The following GRB10 variants were observed in gnomAD, a reference collection of about 807,000 sequenced individuals.
GRB10 encodes the protein growth factor receptor-bound protein 10.
GRB10 carries 20 observed loss-of-function variants against 80.9 expected under a neutral mutation model. That is an observed-to-expected ratio of 0.25 (90% CI 0.17 to 0.36). The LOEUF (loss-of-function observed/expected upper bound fraction) is 0.36, where lower values mean the gene tolerates loss of function less well. GRB10 is among the 10% of genes least tolerant of loss of function. GRB10 has a pLI of 1.00. For missense variants in GRB10, 548 were observed against 747.7 expected (o/e 0.73, Z 3.12); for synonymous variants, 291 against 291.5 (o/e 1.00, Z 0.02).
chr7:50,625,119 T>C (rs1288671951), intron 8 of GRB10, among the ~76,000 whole-genome samples: 3 of 152,192 alleles, frequency 2.0e-5, no homozygotes, highest in African/African-American at 7.2e-5. Context: ...TTATCTACCA[T>C]ATGATAGTCT....
At chr7:50,646,336 T>A (rs2057185932) in intron 7 of GRB10, among the ~76,000 whole-genome samples, 1 of 152,116 alleles carries the variant, frequency 6.6e-6, no homozygotes, top group Non-Finnish European at 1.5e-5. Flanking sequence ...CACAACACTA[T>A]GAAGCTGCAG....
intron 13 of GRB10, chr7:50,606,933 G>A (rs542804160): frequency 5.8e-6 from 1 of 172,026 alleles, no homozygotes; most frequent in Admixed American, 5.5e-5. Flanking sequence ...ACTTTTCTCT[G>A]TTCTTGGGCG....
chr7:50,639,230 C>T (rs9886137), intron 7 of GRB10, among the ~76,000 whole-genome samples: 51,520 of 152,048 alleles, frequency 0.34, 8,907 homozygotes, highest in Middle Eastern at 0.52. Flanking sequence ...CACATACACC[C>T]CCGAGTCTAA....
chr7:50,730,484 T>C lies in GRB10; in HGVS notation c.51+1788A>G, dbSNP rs561648227. Among the ~76,000 whole-genome samples, 21 of 152,342 alleles carry C rather than the reference T, an allele frequency of 1.4e-4. No homozygotes were observed. The South Asian group carries it at 4.4e-3, about 32-fold the overall frequency. ...TAAATCATCCCATATTCTGAGAAAT[T>C]CTGGAACTGTCATCTTATTTTCCAG... On this transcript the variant is annotated intron_variant, in intron 4 of 18. Transcript: ENST00000401949.
rs898789110 is a variant in GRB10 at position 50,590,778 on chromosome 7, A to C, written c.*2174T>G. 1 of 152,494 alleles carries C rather than the reference A, an allele frequency of 6.6e-6. No individual in the cohort carries two copies. The highest frequency in any genetic ancestry group is 1.5e-5 in the Non-Finnish European group (1 of 68,052). 9.4% of individuals were successfully genotyped at this position (152,494 alleles called of 1,614,324 possible). A position where few individuals can be genotyped will look rare whatever the true frequency, so the allele number is the denominator to read the frequency against. ...CTGCCGCCACGTGGAGGCGGTTTACATTCTCCAACAATTCACTTCGGCAGG... is the reference window on the plus strand; with the variant it reads ...CTGCCGCCACGTGGAGGCGGTTTACCTTCTCCAACAATTCACTTCGGCAGG... On this transcript the variant is annotated 3_prime_UTR_variant, in exon 19 of 19. Coordinates refer to ENST00000401949, the MANE Select transcript of GRB10 (RefSeq NM_001350814.2).
chr7:50,624,537 G>C (rs2052521067), intron 8 of GRB10, among the ~76,000 whole-genome samples: 1 of 152,200 alleles, frequency 6.6e-6, no homozygotes, highest in African/African-American at 2.4e-5. Context: ...ATATGGTTGG[G>C]TCACAAAACA....
At chr7:50,634,626 T>C (rs1462488591) in intron 7 of GRB10, among the ~76,000 whole-genome samples, 1 of 152,174 alleles carries the variant, frequency 6.6e-6, no homozygotes, top group Non-Finnish European at 1.5e-5. Context: ...GACCCAGCCA[T>C]CTGCTGCCTA....
intron 17 of GRB10, 110 bp downstream of exon 17, chr7:50,603,888 G>A (rs2048056967): frequency 1.0e-6 from 1 of 960,526 alleles, no homozygotes; most frequent in African/African-American, 1.6e-5. Context: ...TTAAAATGAG[G>A]ACAAAACTGC....
chr7:50,769,845 T>G (rs552016822), intron 2 of GRB10, among the ~76,000 whole-genome samples: 2 of 152,278 alleles, frequency 1.3e-5, no homozygotes, highest in East Asian at 3.9e-4. Flanking sequence ...TTGCTGTCGA[T>G]TAACACTCCT....
intron 8 of GRB10, among the ~76,000 whole-genome samples, chr7:50,625,682 C>T (rs1252920953): frequency 2.6e-5 from 4 of 152,182 alleles, no homozygotes; most frequent in South Asian, 2.1e-4. Context: ...CACACAAATG[C>T]GTTTAGCAAT....
At position 50,674,546 on chromosome 7, in the gene GRB10, C is replaced by T. The variant is rs542996829; in HGVS notation, c.252G>A (p.Gln84=). The change falls in exon 6 of 19, where the codon CAG becomes CAA. Residue 84 remains glutamine, a synonymous_variant. Coordinates refer to ENST00000401949, the MANE Select transcript of GRB10 (RefSeq NM_001350814.2). ...AAGCCCGAGGCTGGCTGCGGGCATG[C>T]TGGCCATTCTGCAGGAGGGGCACCG... The part of the protein sequence containing the change: ...SDTVPLLQNG[Q]HARSQPRASG... The T allele has an allele frequency of 1.9e-6, 3 of 1,611,876 alleles. No individual in the cohort carries two copies. Among genetic ancestry groups the T allele is most frequent in the South Asian group, 2.2e-5 (2 of 91,080 alleles).
At chr7:50,719,548 A>C (rs1199395411) in intron 4 of GRB10, among the ~76,000 whole-genome samples, 1 of 151,430 alleles carries the variant, frequency 6.6e-6, no homozygotes, top group Non-Finnish European at 1.5e-5. Flanking sequence ...GGGGAGGGAG[A>C]GCATTAGGAC....
intron 3 of GRB10, among the ~76,000 whole-genome samples, chr7:50,740,812 T>A (rs2071591106): frequency 6.8e-6 from 1 of 147,846 alleles, no homozygotes; most frequent in African/African-American, 2.5e-5. Flanking sequence ...AAAATAATAT[T>A]CAAAACCATT....
chr7:50,696,974 T>C (rs1253244895), intron 5 of GRB10, among the ~76,000 whole-genome samples: 1 of 152,192 alleles, frequency 6.6e-6, no homozygotes, highest in Non-Finnish European at 1.5e-5. Flanking sequence ...GGAATATTAT[T>C]TGGCCTTCAA....
At chr7:50,767,364 T>G (rs2076459596) in intron 2 of GRB10, among the ~76,000 whole-genome samples, 1 of 151,940 alleles carries the variant, frequency 6.6e-6, no homozygotes, top group African/African-American at 2.4e-5. Context: ...ACCTTAAGAG[T>G]ACACTTAACA....
intron 4 of GRB10, among the ~76,000 whole-genome samples, chr7:50,730,581 C>T (rs1397124184): frequency 1.3e-5 from 2 of 152,148 alleles, no homozygotes; most frequent in African/African-American, 4.8e-5. Context: ...TTCAAATGGC[C>T]CTGAGAAGCA....
At chr7:50,733,488 A>G (rs2070253818) in intron 3 of GRB10, among the ~76,000 whole-genome samples, 2 of 152,240 alleles carry the variant, frequency 1.3e-5, no homozygotes, top group Admixed American at 1.3e-4. Context: ...GTTTTCTGCA[A>G]GAGTTTCTCT....
intron 17 of GRB10, among the ~76,000 whole-genome samples, chr7:50,597,698 G>A (rs2046908206): frequency 6.6e-6 from 1 of 152,244 alleles, no homozygotes; most frequent in South Asian, 2.1e-4. Context: ...GAAGGCTTGA[G>A]CTTTATAGGG....
chr7:50,778,174 C>T (rs1309055181), intron 2 of GRB10, among the ~76,000 whole-genome samples: 1 of 152,234 alleles, frequency 6.6e-6, no homozygotes, highest in East Asian at 1.9e-4. Context: ...GTCTAGCCAT[C>T]TTCCTCTTAA....
Sources: allele counts gnomAD v4.1 joint callset (sites outside exome capture counted in the v4.1 genomes callset), GRCh38; gene constraint gnomAD v4.1.1; transcripts MANE v1.5; gene names NCBI Gene and HGNC (gene_info 2026-07-23, HGNC 2026-07-21).